Variants in ABCG2 observed in about 807,000 individuals in gnomAD.
ABCG2 encodes the protein ATP binding cassette subfamily G member 2 (JR blood group), also known as broad substrate specificity ATP-binding cassette transporter ABCG2.
In ABCG2, 80 loss-of-function variants were observed where a neutral mutation model predicts 73.5. The ratio of observed to expected loss-of-function variants is 1.09; its 90% CI spans 0.91 to 1.31. The LOEUF (loss-of-function observed/expected upper bound fraction) is 1.31, where lower values mean the gene tolerates loss of function less well. ABCG2 is among the 50% of genes most tolerant of loss of function. The pLI, the probability that ABCG2 is intolerant of heterozygous loss-of-function variation, is 0.00. For synonymous variants in ABCG2, 269 were observed against 282.4 expected, an observed-to-expected ratio of 0.95 and a Z score of 0.48; for missense variants, 796 against 786.2, an observed-to-expected ratio of 1.01 and a Z score of -0.15.
intron 10 of ABCG2, among the ~76,000 whole-genome samples, chr4:88,103,960 C>T (rs116774624): frequency 0.031 from 4,708 of 152,246 alleles, 103 homozygotes; most frequent in Middle Eastern, 0.054. Flanking sequence ...TCAGACCCTT[C>T]GGGTGATTCC....
chr4:88,192,785 C>T (rs1170023659), intron 1 of ABCG2, among the ~76,000 whole-genome samples: 1 of 151,120 alleles, frequency 6.6e-6, no homozygotes, highest in Non-Finnish European at 1.5e-5. Flanking sequence ...AATCTCGGCT[C>T]ACTGCAACCT....
intron 1 of ABCG2, among the ~76,000 whole-genome samples, chr4:88,158,121 G>A (rs1168581300): frequency 1.3e-5 from 2 of 152,108 alleles, no homozygotes; most frequent in East Asian, 1.9e-4. Flanking sequence ...CATACATTTG[G>A]AGAAAGGCCA....
intron 1 of ABCG2, among the ~76,000 whole-genome samples, chr4:88,148,375 T>A (rs2725242): frequency 0.48 from 73,377 of 151,950 alleles, 18,392 homozygotes; most frequent in East Asian, 0.67. Context: ...ATATGTTGGG[T>A]CATGTATACC....
At chr4:88,217,262 T>C (rs1729849603) in intron 1 of ABCG2, among the ~76,000 whole-genome samples, 1 of 152,198 alleles carries the variant, frequency 6.6e-6, no homozygotes, top group African/African-American at 2.4e-5. Flanking sequence ...TTGGCCTGCC[T>C]AAGGCTTAAT....
chr4:88,191,592 C>CA (rs70959608), intron 1 of ABCG2, among the ~76,000 whole-genome samples: 127,983 of 152,054 alleles, frequency 0.84, 54,039 homozygotes, highest in East Asian at 1. Flanking sequence ...TATGAATCAG[C>CA]AATTCATTTC....
chr4:88,177,388 TA>T (rs141188215), intron 1 of ABCG2, among the ~76,000 whole-genome samples: 61 of 148,786 alleles, frequency 4.1e-4, no homozygotes, highest in South Asian at 1.1e-3. Flanking sequence ...AAAAAAAAAT[TA>T]AAAAAAAAAG....
At chr4:88,216,683 A>G (rs1218775680) in intron 1 of ABCG2, among the ~76,000 whole-genome samples, 2 of 152,182 alleles carry the variant, frequency 1.3e-5, no homozygotes, top group Non-Finnish European at 2.9e-5. Flanking sequence ...TTTTCCCAAC[A>G]TGAAAGGAAC....
At chr4:88,114,763 C>T (rs1322677581) in intron 8 of ABCG2, among the ~76,000 whole-genome samples, 194 bp downstream of exon 8, 1 of 152,046 alleles carries the variant, frequency 6.6e-6, no homozygotes, top group Non-Finnish European at 1.5e-5. Flanking sequence ...ACTGACAACA[C>T]CATATAAATT....
At chr4:88,193,035 A>G (rs538511654) in intron 1 of ABCG2, among the ~76,000 whole-genome samples, 1 of 152,232 alleles carries the variant, frequency 6.6e-6, no homozygotes, top group African/African-American at 2.4e-5. Context: ...TTAAAAGCCA[A>G]TAAGTGACAA....
At chr4:88,152,384 T>C (rs1192026020) in intron 1 of ABCG2, among the ~76,000 whole-genome samples, 1 of 152,182 alleles carries the variant, frequency 6.6e-6, no homozygotes. Flanking sequence ...AATAAAGCTT[T>C]TTAATCACCT....
intron 1 of ABCG2, among the ~76,000 whole-genome samples, chr4:88,153,160 G>C (rs1365363725): frequency 2.0e-5 from 3 of 152,112 alleles, no homozygotes; most frequent in African/African-American, 7.2e-5. Context: ...GGCGGTTTGG[G>C]GATAGCACCA....
At chr4:88,122,891 G>A (rs781203653) in intron 5 of ABCG2, among the ~76,000 whole-genome samples, 16 of 152,180 alleles carry the variant, frequency 1.1e-4, no homozygotes, top group Non-Finnish European at 1.5e-4. Flanking sequence ...AGCAGGGGTC[G>A]ACAGACACTT....
intron 1 of ABCG2, among the ~76,000 whole-genome samples, chr4:88,230,218 C>A (rs1730398832): frequency 6.8e-6 from 1 of 147,544 alleles, no homozygotes; most frequent in African/African-American, 2.5e-5. Flanking sequence ...GTCTCGAACT[C>A]CTGACCTCAG....
chr4:88,100,237 C>T (rs1441751703), intron 11 of ABCG2, among the ~76,000 whole-genome samples: 7 of 150,906 alleles, frequency 4.6e-5, no homozygotes, highest in African/African-American at 1.2e-4. Context: ...CAGTGGCTCA[C>T]GCCTGTAATC....
At chr4:88,155,901 CA>C (rs1045462067) in intron 1 of ABCG2, among the ~76,000 whole-genome samples, 58 of 142,174 alleles carry the variant, frequency 4.1e-4, no homozygotes, top group Admixed American at 4.2e-4. Flanking sequence ...GACTCCATCT[CA>C]AAAAAAAAAA....
chr4:88,134,351 C>T (rs1192218202), intron 2 of ABCG2, among the ~76,000 whole-genome samples: 1 of 152,174 alleles, frequency 6.6e-6, no homozygotes, highest in Non-Finnish European at 1.5e-5. Context: ...GTAGCTTTCA[C>T]TTTGCTCATT....
chr4:88,203,210 G>A (rs1729248663), intron 1 of ABCG2, among the ~76,000 whole-genome samples: 1 of 152,098 alleles, frequency 6.6e-6, no homozygotes, highest in Non-Finnish European at 1.5e-5. Context: ...AGAAGAGAGT[G>A]GGGGATGGAA....
chr4:88,111,368 C>G (rs1723121371), intron 9 of ABCG2, among the ~76,000 whole-genome samples: 1 of 152,206 alleles, frequency 6.6e-6, no homozygotes, highest in Middle Eastern at 3.4e-3. Flanking sequence ...TATAAAAGTG[C>G]CAGTGTTCTG....
At chr4:88,201,522 T>C (rs1336151740) in intron 1 of ABCG2, among the ~76,000 whole-genome samples, 1 of 152,214 alleles carries the variant, frequency 6.6e-6, no homozygotes, top group East Asian at 1.9e-4. Context: ...AGAAAGTCCC[T>C]AGCCCCAGAT....
Sources: gnomAD v4.1 joint callset for allele counts (sites outside exome capture counted in the v4.1 genomes callset) on GRCh38, gnomAD v4.1.1 for gene constraint, MANE v1.5 for transcripts, NCBI Gene and HGNC (gene_info 2026-07-23, HGNC 2026-07-21) for gene names.